Variants in CBFA2T3 observed in about 807,000 individuals in gnomAD.
The protein encoded by CBFA2T3 is CBFA2/RUNX1 partner transcriptional co-repressor 3.
In CBFA2T3, 31 loss-of-function variants were observed where a neutral mutation model predicts 58.6. The observed-to-expected ratio is 0.53, with a 90% CI of 0.40 to 0.71. CBFA2T3 has a LOEUF of 0.71. Among genes scored for constraint, CBFA2T3 ranks in the 30% least tolerant of loss-of-function variants. The probability of loss-of-function intolerance (pLI) is 0.00; values close to 1 mark genes in which losing one functional copy is unlikely to be tolerated. For synonymous variants in CBFA2T3, 531 were observed against 421.9 expected, an observed-to-expected ratio of 1.26 and a Z score of -3.17; for missense variants, 1,076 against 963.1, an observed-to-expected ratio of 1.12 and a Z score of -1.55.
intron 3 of CBFA2T3, among the ~76,000 whole-genome samples, chr16:88,894,000 T>C (rs2142594699): frequency 6.6e-6 from 1 of 152,230 alleles, no homozygotes; most frequent in South Asian, 2.1e-4. Context: ...GCCAGCTCCT[T>C]CTGTCAGGAG....
chr16:88,925,678 T>C (rs1345664316), intron 1 of CBFA2T3, among the ~76,000 whole-genome samples: 1 of 152,182 alleles, frequency 6.6e-6, no homozygotes, highest in African/African-American at 2.4e-5. Flanking sequence ...CGGAGGCTTC[T>C]AGTTTCTTCA....
At chr16:88,914,357 C>T (rs1970622532) in intron 1 of CBFA2T3, among the ~76,000 whole-genome samples, 1 of 152,184 alleles carries the variant, frequency 6.6e-6, no homozygotes, top group African/African-American at 2.4e-5. Flanking sequence ...GCACGTGATG[C>T]TTTGTGGTGC....
chr16:88,970,301 C>T (rs140478859), intron 1 of CBFA2T3, among the ~76,000 whole-genome samples: 7 of 152,296 alleles, frequency 4.6e-5, no homozygotes, highest in Non-Finnish European at 1.0e-4. Context: ...GTGGGGCTTC[C>T]TCAGGTGAAG....
At chr16:88,915,088 C>T (rs1169471847) in intron 1 of CBFA2T3, among the ~76,000 whole-genome samples, 1 of 151,334 alleles carries the variant, frequency 6.6e-6, no homozygotes, top group Non-Finnish European at 1.5e-5. Flanking sequence ...GGTAGCGGGT[C>T]CCTTCTCTTG....
intron 1 of CBFA2T3, among the ~76,000 whole-genome samples, chr16:88,903,431 C>T (rs924338620): frequency 6.6e-6 from 1 of 152,122 alleles, no homozygotes; most frequent in Non-Finnish European, 1.5e-5. Context: ...CAGCCACAGG[C>T]CTCGCGGCAC....
intron 1 of CBFA2T3, among the ~76,000 whole-genome samples, chr16:88,935,842 C>T (rs938150320): frequency 3.3e-5 from 5 of 152,198 alleles, no homozygotes; most frequent in Non-Finnish European, 7.3e-5. Context: ...CATCACAGCC[C>T]GAAGGGGTAA....
chr16:88,900,740 C>T (rs997867626), intron 2 of CBFA2T3, among the ~76,000 whole-genome samples: 3 of 152,220 alleles, frequency 2.0e-5, no homozygotes, highest in African/African-American at 4.8e-5. Context: ...GCCACCCCGC[C>T]GGCCCAGCAA....
In CBFA2T3 at chr16:88,889,946, T is replaced by C. The variant is rs149401330; in HGVS notation, c.711+1936A>G. 8.5e-3 allele frequency among the ~76,000 whole-genome samples: 892 copies of C among 104,714 alleles called. 32 individuals carry two copies. Among genetic ancestry groups the C allele is most frequent in the East Asian group, 0.015 (47 of 3,044 alleles). The allele number at this position is 104,714 out of a possible 152,430, so 68.7% of individuals were successfully genotyped here. On this transcript the variant is annotated intron_variant, in intron 5 of 11. Transcript: ENST00000268679. Reference sequence around the variant, plus strand: ...TCCTCCTCCTCCAGGGACGACGCCGTGCGATTCCTCCTCCTCCAGGGACGA... The same window carrying C: ...TCCTCCTCCTCCAGGGACGACGCCGCGCGATTCCTCCTCCTCCAGGGACGA...
intron 1 of CBFA2T3, among the ~76,000 whole-genome samples, chr16:88,930,972 G>A (rs1421954914): frequency 1.3e-5 from 2 of 151,996 alleles, no homozygotes; most frequent in Non-Finnish European, 2.9e-5. Context: ...TGCTACTGAA[G>A]TGACACTATA....
rs201612351 is a variant in CBFA2T3 at position 88,881,337 on chromosome 16, C to T, written c.1356G>A (p.Ala452=). The change falls in exon 9 of 12, where the codon GCG becomes GCA. Residue 452 remains alanine, a synonymous_variant. Coordinates refer to ENST00000268679, the MANE Select transcript of CBFA2T3 (RefSeq NM_005187.6). ...CGGCGGAGCTGCTGCGGGGCCGGGC[C>T]GCGGCGGGAGCGGGGCCCTTCTTTG... The part of the protein sequence containing the change: ...EDTKKGPAPA[A]ARPRSSSAGP... The T allele has an allele frequency of 1.1e-4, 171 of 1,583,134 alleles. No homozygotes were observed. In the African/African-American group the frequency reaches 1.5e-3, roughly 14 times the overall value.
rs1480165405 is a variant in CBFA2T3 at position 88,958,003 on chromosome 16, C to T, written c.151+18654G>A. ...GAGTTGTAAGATGTGTGGGTTATAC[C>T]TCAACAAGGCTGCTGGAAAACCACA... On this transcript the variant is annotated intron_variant, in intron 1 of 11. Transcript: ENST00000268679. This position sits in a 1 kb window ranked among gnomAD's most constrained non-coding sequence, Gnocchi z 4.0. 6.6e-6 allele frequency among the ~76,000 whole-genome samples: 1 copy of T among 152,192 alleles called. No homozygotes were observed. Among genetic ancestry groups the T allele is most frequent in the Admixed American group, 6.5e-5 (1 of 15,280 alleles).
At chr16:88,956,338 C>A (rs1024728157) in intron 1 of CBFA2T3, among the ~76,000 whole-genome samples, 11 of 152,254 alleles carry the variant, frequency 7.2e-5, no homozygotes, top group African/African-American at 2.7e-4. Context: ...GGGAGACCTT[C>A]ACCCACCCGC....
intron 1 of CBFA2T3, among the ~76,000 whole-genome samples, chr16:88,906,553 C>G (rs1280619703): frequency 6.6e-6 from 1 of 152,234 alleles, no homozygotes; most frequent in Non-Finnish European, 1.5e-5. Context: ...GGTGCAATGG[C>G]CCTGAGGCAA....
intron 8 of CBFA2T3, 87 bp downstream of exon 8, chr16:88,882,589 T>TGC (rs1969163017): frequency 2.4e-6 from 1 of 424,784 alleles, no homozygotes; most frequent in South Asian, 2.7e-5. Context: ...TGGCTGTGTG[T>TGC]GCATGGCTGT....
At chr16:88,886,470 G>A (rs1235473432) in intron 5 of CBFA2T3, 3 of 258,358 alleles carry the variant, frequency 1.2e-5, no homozygotes, top group Non-Finnish European at 2.2e-5. Context: ...GTGGTCTGGA[G>A]AAGGCGAGAG....
Position 88,881,491 on chromosome 16 carries a change from TG to T in CBFA2T3, c.1204-3del. 6.3e-7 allele frequency: 1 copy of T among 1,599,014 alleles called. No homozygotes were observed. Among genetic ancestry groups the T allele is most frequent in the East Asian group, 2.2e-5 (1 of 44,456 alleles). ...CATGTCCATGATGCAGTTCAGGAGCTGGGGGCGGGCGGCGCAGCCTTCAGCA... is the reference window on the plus strand; with the variant it reads ...CATGTCCATGATGCAGTTCAGGAGCTGGGGCGGGCGGCGCAGCCTTCAGCA... On this transcript the variant is annotated splice_polypyrimidine_tract_variant and splice_region_variant and intron_variant, in intron 8 of 11. Transcript: ENST00000268679.
At chr16:88,907,872 G>A (rs1204934518) in intron 1 of CBFA2T3, among the ~76,000 whole-genome samples, 1 of 152,228 alleles carries the variant, frequency 6.6e-6, no homozygotes, top group Non-Finnish European at 1.5e-5. Context: ...CCCCTCTCTG[G>A]GCATGCCTGA....
intron 11 of CBFA2T3, among the ~76,000 whole-genome samples, 175 bp downstream of exon 11, chr16:88,879,095 G>C (rs536174443): frequency 5.6e-4 from 86 of 152,372 alleles, no homozygotes; most frequent in Non-Finnish European, 1.1e-3. Flanking sequence ...ACTGAACCAT[G>C]TGGGATCTCT....
intron 8 of CBFA2T3, 72 bp from the exon 9 acceptor site, chr16:88,881,561 C>T (rs911827014): frequency 2.0e-6 from 3 of 1,483,602 alleles, no homozygotes; most frequent in South Asian, 1.2e-5. Context: ...CCAGCCCACT[C>T]GGCCAGAGCC....
Sources: allele counts gnomAD v4.1 joint callset (sites outside exome capture counted in the v4.1 genomes callset), GRCh38; gene constraint gnomAD v4.1.1; non-coding constraint Gnocchi (gnomAD v3.1); transcripts MANE v1.5; gene names NCBI Gene and HGNC (gene_info 2026-07-23, HGNC 2026-07-21).